Variants in TBX1 observed in about 807,000 individuals in gnomAD.
TBX1 encodes T-box transcription factor TBX1.
In TBX1, 16 loss-of-function variants were observed where a neutral mutation model predicts 40.8. The ratio of observed to expected loss-of-function variants is 0.39; its 90% CI spans 0.27 to 0.60. The LOEUF (loss-of-function observed/expected upper bound fraction) is 0.60. TBX1 is among the 20% of genes least tolerant of loss of function. TBX1 has a pLI of 0.51. For missense variants in TBX1, 755 were observed against 728.5 expected, an observed-to-expected ratio of 1.04 and a Z score of -0.42; for synonymous variants, 403 against 336.8, an observed-to-expected ratio of 1.20 and a Z score of -2.15.
upstream of TBX1, among the ~76,000 whole-genome samples, chr22:19,757,132 G>C (rs1936504730): frequency 6.6e-6 from 1 of 152,112 alleles, no homozygotes. Context: ...AATCAAGCGA[G>C]TGAGTATAGG....
upstream of TBX1, chr22:19,759,656 AC>A: frequency 6.2e-7 from 1 of 1,612,534 alleles, no homozygotes; most frequent in South Asian, 1.1e-5. Context: ...GCACTTCAGC[AC>A]CGTCACCAGG....
chr22:19,761,899 C>T (rs1371091469), intron 1 of TBX1, among the ~76,000 whole-genome samples: 1 of 152,196 alleles, frequency 6.6e-6, no homozygotes, highest in Non-Finnish European at 1.5e-5. Context: ...TCCCAACCGG[C>T]CTGTATTTGT....
upstream of TBX1, among the ~76,000 whole-genome samples, chr22:19,758,115 G>A (rs8140965): frequency 0.013 from 1,991 of 152,302 alleles, 28 homozygotes; most frequent in South Asian, 0.039. Context: ...CCCCCAGCCC[G>A]TTACTGGGCC....
intron 2 of TBX1, 42 bp from the exon 3 acceptor site, chr22:19,764,113 G>A: frequency 1.2e-6 from 2 of 1,610,242 alleles, no homozygotes; most frequent in South Asian, 2.2e-5. Context: ...AGGCCCTCTG[G>A]GTTCACCTCC....
In TBX1 at chr22:19,766,377, C is replaced by T. The variant is rs1218890600; in HGVS notation, c.1037-12C>T. On this transcript the variant is annotated splice_polypyrimidine_tract_variant and intron_variant, in intron 6 of 6. Transcript: ENST00000649276. Reference sequence around the variant, plus strand: ...CCGGCCGGCCGCGCTCACTCCTCGGCCCTCTCCGCAGACGCGGCTGAGGCC... The same window carrying T: ...CCGGCCGGCCGCGCTCACTCCTCGGTCCTCTCCGCAGACGCGGCTGAGGCC... 1.5e-5 allele frequency: 20 copies of T among 1,313,050 alleles called. No individual in the cohort carries two copies. Among genetic ancestry groups the T allele is most frequent in the South Asian group, 1.9e-5 (1 of 51,312 alleles). The allele number at this position is 1,313,050 out of a possible 1,614,324, so 81.3% of individuals were successfully genotyped here.
intron 3 of TBX1, 35 bp downstream of exon 3, chr22:19,764,361 C>T: frequency 6.2e-7 from 1 of 1,603,402 alleles, no homozygotes; most frequent in Non-Finnish European, 8.5e-7. Flanking sequence ...CGGTGTCCCC[C>T]AAGGCCTCGA....
At chr22:19,764,573 C>G (rs1936772974) in intron 3 of TBX1, among the ~76,000 whole-genome samples, 1 of 152,222 alleles carries the variant, frequency 6.6e-6, no homozygotes, top group South Asian at 2.1e-4. Flanking sequence ...TGGGCCTGGG[C>G]CCTGGGAGAG....
chr22:19,765,065 G>A lies in TBX1; in HGVS notation c.819G>A (p.Val273=), dbSNP rs1936786110. ...CCGAGGAGAACTTCAAAACCTTTGTGTTCGAGGAGACACGATTCACCGCGG... is the reference window on the plus strand; with the variant it reads ...CCGAGGAGAACTTCAAAACCTTTGTATTCGAGGAGACACGATTCACCGCGG... The part of the protein sequence containing the change: ...KYAEENFKTF[V]FEETRFTAVT... The change falls in exon 4 of 7, where the codon GTG becomes GTA. Residue 273 remains valine (V), a synonymous_variant. Coordinates refer to ENST00000649276, the MANE Select transcript of TBX1 (RefSeq NM_001379200.1). The A allele has an allele frequency of 3.7e-6, 6 of 1,614,120 alleles. No homozygotes were observed. The highest frequency in any genetic ancestry group is 5.1e-6 in the Non-Finnish European group (6 of 1,180,060).
chr22:19,766,286 C>T, intron 6 of TBX1, 103 bp from the exon 7 acceptor site: 2 of 1,196,850 alleles, frequency 1.7e-6, no homozygotes, highest in East Asian at 3.6e-5. Flanking sequence ...CGGGGAACAC[C>T]GAGGGCGGCC....
upstream of TBX1, chr22:19,759,572 C>G (rs944499962): frequency 1.3e-6 from 2 of 1,591,978 alleles, no homozygotes; most frequent in Admixed American, 1.7e-5. Context: ...GGCGGCGGAG[C>G]GCACCGCCCA....
rs1333016394 is a variant in TBX1, at chr22:19,766,427, G to A, written c.1075G>A (p.Gly359Ser). 2 of 1,345,464 alleles carry A rather than the reference G, an allele frequency of 1.5e-6. No individual in the cohort carries two copies. Among genetic ancestry groups the A allele is most frequent in the Non-Finnish European group, 1.9e-6 (2 of 1,044,208 alleles). The allele number at this position is 1,345,464 out of a possible 1,614,324, so 83.3% of individuals were successfully genotyped here. A position where few individuals can be genotyped will look rare whatever the true frequency, so the allele number is the denominator to read the frequency against. ...CCGGCGAGAATTCCAGCGCGACGCG[G>A]GCGGGCCAGCAGTGCTCGGGGACCC... is the stretch of plus-strand genomic sequence containing the variant. ...EARREFQRDA[G>S]GPAVLGDPAH... Residue 359 changes from glycine (G) to serine (S), a missense_variant, in exon 7 of 7, where the codon GGC becomes AGC. By Grantham distance (56) the Gly-to-Ser change is moderately conservative. Transcript: ENST00000649276.
chr22:19,780,785 TTTG>T (rs1359698367), downstream of TBX1, among the ~76,000 whole-genome samples: 11 of 145,042 alleles, frequency 7.6e-5, no homozygotes, highest in East Asian at 4.1e-4. Context: ...TGTTTTTTTT[TTTG>T]TTTTTTTTTT....
chr22:19,776,431 G>A (rs1418228453), intron 8 of TBX1, among the ~76,000 whole-genome samples: 2 of 152,200 alleles, frequency 1.3e-5, no homozygotes, highest in African/African-American at 4.8e-5. Flanking sequence ...CTCTAGAAGA[G>A]CTCATGTTCC....
rs1936648648 is a variant in TBX1, at chr22:19,761,188, G to A, written c.345G>A (p.Lys115=). ...AGGCGCCGGTGAAGAAGAACGCGAA[G>A]GTGGCCGGTGTGAGCGTGCAGCTAG... is the stretch of plus-strand genomic sequence containing the variant. ...AAKAPVKKNA[K]VAGVSVQLEM... Residue 115 remains lysine, a synonymous_variant, in exon 1 of 7, where the codon AAG becomes AAA. Coordinates refer to ENST00000649276, the MANE Select transcript of TBX1 (RefSeq NM_001379200.1). The A allele has an allele frequency of 6.5e-7, 1 of 1,544,182 alleles. No individual in the cohort carries two copies. Among genetic ancestry groups the A allele is most frequent in the Non-Finnish European group, 8.7e-7 (1 of 1,143,236 alleles).
At chr22:19,776,298 C>T (rs1220715938) in intron 8 of TBX1, among the ~76,000 whole-genome samples, 1 of 152,170 alleles carries the variant, frequency 6.6e-6, no homozygotes, top group Non-Finnish European at 1.5e-5. Context: ...GATCCTAGCT[C>T]CTCAGGAGGA....
chr22:19,776,479 G>A (rs986215373), intron 8 of TBX1, among the ~76,000 whole-genome samples: 4 of 152,190 alleles, frequency 2.6e-5, no homozygotes, highest in Non-Finnish European at 5.9e-5. Context: ...TGCACGGGGT[G>A]GAGGGCTCTT....
chr22:19,764,125 C>A lies in TBX1; in HGVS notation c.540-30C>A, dbSNP rs751248577. 2.5e-6 allele frequency: 4 copies of A among 1,611,898 alleles called. 1 individual carries two copies. The South Asian group carries it at 4.4e-5, about 18-fold the overall frequency. On this transcript the variant is annotated intron_variant, in intron 2 of 6. Transcript: ENST00000649276. Reference sequence around the variant, plus strand: ...TCAAGGCCCTCTGGGTTCACCTCCACATGCACGACCCCACCCCGTGCCGCT... The same window carrying A: ...TCAAGGCCCTCTGGGTTCACCTCCAAATGCACGACCCCACCCCGTGCCGCT...
At chr22:19,772,457 C>T (rs1937004739) in intron 8 of TBX1, among the ~76,000 whole-genome samples, 1 of 152,058 alleles carries the variant, frequency 6.6e-6, no homozygotes, top group African/African-American at 2.4e-5. Flanking sequence ...AGGCGTGTGC[C>T]ACCACACCCT....
chr22:19,766,260 G>A (rs1601293346), intron 6 of TBX1, 129 bp from the exon 7 acceptor site: 2 of 1,171,780 alleles, frequency 1.7e-6, no homozygotes, highest in African/African-American at 1.6e-5. Flanking sequence ...TCTCGGGCAC[G>A]CTGGCACCGA....
Sources: allele counts gnomAD v4.1 joint callset (sites outside exome capture counted in the v4.1 genomes callset), GRCh38; gene constraint gnomAD v4.1.1; transcripts MANE v1.5; gene names NCBI Gene and HGNC (gene_info 2026-07-23, HGNC 2026-07-21).